The following CDK14 variants were observed in gnomAD, a reference collection of about 807,000 sequenced individuals.
The protein encoded by CDK14 is cyclin dependent kinase 14.
Under a neutral mutation model 60.7 loss-of-function variants are expected in CDK14, and 34 were observed. The ratio of observed to expected loss-of-function variants is 0.56; its 90% CI spans 0.43 to 0.75. The LOEUF is 0.75. Among genes scored for constraint, CDK14 ranks in the 30% least tolerant of loss-of-function variants. CDK14 has a pLI of 0.00. For missense variants in CDK14, 482 were observed against 564.1 expected (o/e 0.85, Z 1.47); for synonymous variants, 197 against 203.7 (o/e 0.97, Z 0.28).
chr7:91,075,654 A>T (rs148372214), intron 11 of CDK14, among the ~76,000 whole-genome samples: 134 of 152,318 alleles, frequency 8.8e-4, no homozygotes, highest in African/African-American at 3.0e-3. Context: ...AGGATATTCA[A>T]ATAGGAAGAG....
intron 10 of CDK14, among the ~76,000 whole-genome samples, chr7:91,043,766 A>G (rs1797157316): frequency 1.3e-5 from 2 of 152,162 alleles, no homozygotes; most frequent in South Asian, 4.1e-4. Flanking sequence ...TATGAGTCTT[A>G]AAAGAATTTT....
chr7:90,908,989 C>G (rs983686140), intron 7 of CDK14, among the ~76,000 whole-genome samples: 1 of 152,060 alleles, frequency 6.6e-6, no homozygotes, highest in Non-Finnish European at 1.5e-5. Flanking sequence ...TAAGATAATT[C>G]ATTTTGATTG....
intron 2 of CDK14, among the ~76,000 whole-genome samples, chr7:90,688,985 C>T (rs906801367): frequency 6.6e-6 from 1 of 152,030 alleles, no homozygotes; most frequent in East Asian, 1.9e-4. Flanking sequence ...GTTAGTAAAC[C>T]AGAAAGAACA....
intron 10 of CDK14, among the ~76,000 whole-genome samples, chr7:91,044,872 T>C (rs1021296535): frequency 1.3e-5 from 2 of 152,200 alleles, no homozygotes; most frequent in Non-Finnish European, 2.9e-5. Flanking sequence ...GGAGCCTCCC[T>C]GATCCGAACA....
intron 6 of CDK14, among the ~76,000 whole-genome samples, chr7:90,875,739 A>G (rs770349575): frequency 2.0e-5 from 3 of 151,158 alleles, no homozygotes; most frequent in Non-Finnish European, 3.0e-5. Context: ...TGTTCTCCTA[A>G]TTTTCTTGTC....
chr7:91,012,558 C>T (rs951708521), intron 10 of CDK14, among the ~76,000 whole-genome samples: 3 of 152,188 alleles, frequency 2.0e-5, no homozygotes, highest in African/African-American at 7.2e-5. Flanking sequence ...AGATTTTCTT[C>T]AGGCAGCAAA....
At chr7:90,854,369 AAACAACAAC>A (rs961960585) in intron 5 of CDK14, among the ~76,000 whole-genome samples, 1 of 151,928 alleles carries the variant, frequency 6.6e-6, no homozygotes, top group Non-Finnish European at 1.5e-5. Flanking sequence ...AGAAACAAAC[AAACAACAAC>A]AACAACAACA....
intron 2 of CDK14, among the ~76,000 whole-genome samples, chr7:90,715,438 C>T (rs915228934): frequency 7.9e-5 from 12 of 151,990 alleles, no homozygotes; most frequent in Non-Finnish European, 1.5e-4. Context: ...GTGCTTCTGA[C>T]ATGGTAGACA....
intron 14 of CDK14, among the ~76,000 whole-genome samples, chr7:91,142,217 A>G (rs43009): frequency 0.96 from 145,583 of 152,262 alleles, 69,618 homozygotes; most frequent in East Asian, 1. Context: ...TCATTTTTTT[A>G]TTGTTGTTGT....
chr7:90,887,624 C>T (rs1400329082), intron 6 of CDK14, among the ~76,000 whole-genome samples: 1 of 152,170 alleles, frequency 6.6e-6, no homozygotes, highest in Admixed American at 6.5e-5. Flanking sequence ...TAGCTTACAA[C>T]TTTTGCCCCA....
Position 91,136,575 on chromosome 7 carries a change from T to C in CDK14, c.*28+18367T>C, listed in dbSNP as rs115119331. Among the ~76,000 whole-genome samples the C allele has an allele frequency of 2.4e-3, 370 of 152,332 alleles. 2 individuals carry two copies. Among genetic ancestry groups the C allele is most frequent in the African/African-American group, 7.9e-3 (330 of 41,582 alleles). ...ATGTGATATCTTAACACATTTTATA[T>C]ATATAAACATACAGACTAAACATGC... On this transcript the variant is annotated intron_variant, in intron 14 of 14. Coordinates refer to ENST00000380050, the MANE Select transcript of CDK14 (RefSeq NM_001287135.2).
chr7:91,057,402 T>G (rs1407365260), intron 11 of CDK14, among the ~76,000 whole-genome samples: 1 of 152,062 alleles, frequency 6.6e-6, no homozygotes, highest in East Asian at 1.9e-4. Context: ...AGAAGCTCTT[T>G]AGTTTAATTA....
chr7:90,927,312 T>C (rs1793448758), intron 8 of CDK14, among the ~76,000 whole-genome samples: 1 of 152,084 alleles, frequency 6.6e-6, no homozygotes, highest in Non-Finnish European at 1.5e-5. Context: ...CTTCTTAGCA[T>C]TCAGAAAATA....
intron 6 of CDK14, among the ~76,000 whole-genome samples, chr7:90,872,951 C>G (rs1791422350): frequency 1.3e-5 from 2 of 151,960 alleles, no homozygotes; most frequent in South Asian, 4.1e-4. Context: ...ACCACTTAAA[C>G]TATGATATTT....
rs1030739932 is a variant in CDK14, at chr7:91,034,586, A to T, written c.1042-11311A>T. On this transcript the variant is annotated intron_variant, in intron 10 of 14. Transcript: ENST00000380050. ...GAAACACCCTCTCCTTCAATCCATC[A>T]CCTGCAGCCAAGCAGCTGATTAAAT... 5.9e-5 allele frequency among the ~76,000 whole-genome samples: 9 copies of T among 152,146 alleles called. No homozygotes were observed. In the South Asian group the frequency reaches 1.9e-3, roughly 32 times the overall value.
intron 14 of CDK14, among the ~76,000 whole-genome samples, chr7:91,193,003 T>G (rs528187816): frequency 2.2e-3 from 331 of 152,314 alleles, no homozygotes; most frequent in Non-Finnish European, 3.6e-3. Context: ...TTTGGTTTTG[T>G]TTGCTTGATT....
intron 3 of CDK14, among the ~76,000 whole-genome samples, chr7:90,736,999 A>G (rs1270892778): frequency 6.6e-6 from 1 of 152,160 alleles, no homozygotes; most frequent in Non-Finnish European, 1.5e-5. Context: ...GGTTTTATTT[A>G]TAGTGGTATA....
In CDK14 at chr7:90,596,467, C is replaced by G. The variant is rs1157319064; in HGVS notation, c.-161C>G. On this transcript the variant is annotated 5_prime_UTR_variant, in exon 1 of 15. Coordinates refer to ENST00000380050, the MANE Select transcript of CDK14 (RefSeq NM_001287135.2). Reference sequence around the variant, plus strand: ...CGGAGCGGAGCCTGCCGTCCTCCGCCTGCCTGCTGCTCGCCTCCCTAGACC... The same window carrying G: ...CGGAGCGGAGCCTGCCGTCCTCCGCGTGCCTGCTGCTCGCCTCCCTAGACC... 10 of 554,638 alleles carry G rather than the reference C, an allele frequency of 1.8e-5. No homozygotes were observed. The highest frequency in any genetic ancestry group is 1.6e-4 in the African/African-American group (8 of 49,718). 34.4% of individuals were successfully genotyped at this position (554,638 alleles called of 1,614,324 possible).
chr7:90,741,046 A>G (rs1803322935), intron 3 of CDK14, among the ~76,000 whole-genome samples: 1 of 152,218 alleles, frequency 6.6e-6, no homozygotes, highest in East Asian at 1.9e-4. Flanking sequence ...TTATAAAATT[A>G]GTAATCGTGG....
Sources: allele counts gnomAD v4.1 joint callset (sites outside exome capture counted in the v4.1 genomes callset), GRCh38; gene constraint gnomAD v4.1.1; transcripts MANE v1.5; gene names NCBI Gene and HGNC (gene_info 2026-07-23, HGNC 2026-07-21).